GPR55: variants seen among roughly 807,000 people sequenced by gnomAD.
GPR55 encodes the protein G-protein coupled receptor 55.
GPR55 carries 6 observed loss-of-function variants against 7.9 expected under a neutral mutation model. The observed-to-expected ratio is 0.76, with a 90% CI of 0.41 to 1.49. GPR55 has a LOEUF of 1.49. Ranked by LOEUF, GPR55 falls within the 40% of genes most tolerant of loss-of-function variation. The pLI, the probability that GPR55 is intolerant of heterozygous loss-of-function variation, is 0.01. For synonymous variants in GPR55, 183 were observed against 166.8 expected, an observed-to-expected ratio of 1.10 and a Z score of -0.75; for missense variants, 376 against 406.0, an observed-to-expected ratio of 0.93 and a Z score of 0.63.
intron 1 of GPR55, among the ~76,000 whole-genome samples, chr2:230,943,444 G>A (rs906014604): frequency 3.9e-4 from 59 of 152,184 alleles, no homozygotes; most frequent in African/African-American, 1.4e-3. Flanking sequence ...CTGGGCTCAG[G>A]AATTTCCTGG....
At chr2:230,926,899 G>A (rs1266221931), upstream of GPR55, among the ~76,000 whole-genome samples, 5 of 151,834 alleles carry the variant, frequency 3.3e-5, no homozygotes, top group African/African-American at 1.2e-4. Flanking sequence ...CACCATGTTG[G>A]TCAGGCTGGT....
At chr2:230,915,929 G>A (rs1446025783) in intron 1 of GPR55, among the ~76,000 whole-genome samples, 2 of 152,092 alleles carry the variant, frequency 1.3e-5, no homozygotes, top group Non-Finnish European at 2.9e-5. Flanking sequence ...AGACCTCCAA[G>A]AGATCATCAC....
At chr2:230,932,284 TA>T (rs1691061365) in intron 1 of GPR55, among the ~76,000 whole-genome samples, 1 of 152,204 alleles carries the variant, frequency 6.6e-6, no homozygotes, top group African/African-American at 2.4e-5. Flanking sequence ...TTCACAAGAT[TA>T]AAAACTCATT....
chr2:230,951,756 G>GTTTT (rs869195749), intron 1 of GPR55, among the ~76,000 whole-genome samples: 5 of 47,544 alleles, frequency 1.1e-4, no homozygotes, highest in African/African-American at 1.2e-4. Flanking sequence ...TGTTATTGGG[G>GTTTT]TTTTTTTTTT....
Position 230,925,159 on chromosome 2 carries a change from G to A in GPR55, c.-135+9C>T, listed in dbSNP as rs1162546576. The A allele has an allele frequency of 2.0e-5, 3 of 152,674 alleles. No individual in the cohort carries two copies. The highest frequency in any genetic ancestry group is 4.4e-5 in the Non-Finnish European group (3 of 68,114). The allele number at this position is 152,674 out of a possible 1,614,324, so 9.5% of individuals were successfully genotyped here. ...CCTTAGTTTCTCTAAATGGCCCAGA[G>A]GCTGTTACCTGTTGGTGGTCCGGTG... On this transcript the variant is annotated intron_variant, in intron 1 of 1. Transcript: ENST00000650999.
At chr2:230,922,689 C>T (rs1247024703) in intron 1 of GPR55, among the ~76,000 whole-genome samples, 1 of 152,090 alleles carries the variant, frequency 6.6e-6, no homozygotes, top group African/African-American at 2.4e-5. Context: ...AATTCTCCTG[C>T]CTCAGGCTCC....
chr2:230,921,073 T>A (rs1268940878), intron 1 of GPR55, among the ~76,000 whole-genome samples: 2 of 151,930 alleles, frequency 1.3e-5, no homozygotes, highest in Non-Finnish European at 2.9e-5. Flanking sequence ...TAAAAAGAAT[T>A]GAGAAAGTAA....
chr2:230,908,596 A>C lies in GPR55; in HGVS notation c.*1407T>G, dbSNP rs1690510471. The C allele has an allele frequency of 6.5e-6, 1 of 152,818 alleles. No individual in the cohort carries two copies. Among genetic ancestry groups the C allele is most frequent in the Non-Finnish European group, 1.5e-5 (1 of 68,426 alleles). 9.5% of individuals were successfully genotyped at this position (152,818 alleles called of 1,614,324 possible). A position where few individuals can be genotyped will look rare whatever the true frequency, so the allele number is the denominator to read the frequency against. On this transcript the variant is annotated 3_prime_UTR_variant, in exon 2 of 2. Transcript: ENST00000650999. ...TTCCCCTCAGGTCACCACCCCTCCC[A>C]AGCCCTTCAGCCCCCACTGAGCCCA...
chr2:230,917,671 G>A (rs547627523), intron 1 of GPR55, among the ~76,000 whole-genome samples: 1 of 152,066 alleles, frequency 6.6e-6, no homozygotes, highest in South Asian at 2.1e-4. Context: ...TTAGCTGGAT[G>A]TGGTGGCTTG....
At chr2:230,938,503 G>A (rs1165225982) in intron 1 of GPR55, among the ~76,000 whole-genome samples, 1 of 151,800 alleles carries the variant, frequency 6.6e-6, no homozygotes, top group African/African-American at 2.4e-5. Context: ...ATTTTATATT[G>A]CTTAGAAAAA....
chr2:230,932,266 T>C (rs1691061215), intron 1 of GPR55, among the ~76,000 whole-genome samples: 1 of 152,196 alleles, frequency 6.6e-6, no homozygotes, highest in Non-Finnish European at 1.5e-5. Flanking sequence ...GGAAACATGT[T>C]AGAGGAATTC....
intron 1 of GPR55, among the ~76,000 whole-genome samples, chr2:230,917,137 T>C (rs1026643345): frequency 6.6e-6 from 1 of 152,192 alleles, no homozygotes; most frequent in Admixed American, 6.5e-5. Context: ...AAAACTCAAT[T>C]GCGAGGGCAA....
chr2:230,933,160 C>CT (rs1346929865), intron 1 of GPR55, among the ~76,000 whole-genome samples: 19 of 152,104 alleles, frequency 1.2e-4, no homozygotes, highest in Admixed American at 2.6e-4. Context: ...CCTAGCCAAG[C>CT]CCCTGAAGTC....
At chr2:230,941,580 C>T (rs1277131848) in intron 1 of GPR55, among the ~76,000 whole-genome samples, 3 of 152,148 alleles carry the variant, frequency 2.0e-5, no homozygotes, top group Non-Finnish European at 1.5e-5. Flanking sequence ...TTCCTATTTG[C>T]GATGCCGTCA....
chr2:230,914,815 C>T (rs1474003211), intron 1 of GPR55, among the ~76,000 whole-genome samples: 2 of 152,216 alleles, frequency 1.3e-5, no homozygotes, highest in African/African-American at 4.8e-5. Flanking sequence ...CTCAGGTCCC[C>T]TGAGAAGCAG....
chr2:230,937,772 T>C (rs930582951), intron 1 of GPR55, among the ~76,000 whole-genome samples: 1 of 152,088 alleles, frequency 6.6e-6, no homozygotes, highest in Non-Finnish European at 1.5e-5. Flanking sequence ...TAGAAGAATG[T>C]TTATGCTAAT....
In GPR55 at chr2:230,924,319, C is replaced by A. The variant is rs769096119; in HGVS notation, c.-135+849G>T. ...ACCTTGCCTTCCACAGAGCTGTGGG[C>A]GGCACTTTGCCCTGCCCTGTCCTCT... On this transcript the variant is annotated intron_variant, in intron 1 of 1. Transcript: ENST00000650999. This position sits in a 1 kb window ranked among gnomAD's most constrained non-coding sequence, Gnocchi z 4.5. Among the ~76,000 whole-genome samples, 2 of 152,148 alleles carry A rather than the reference C, an allele frequency of 1.3e-5. No individual in the cohort carries two copies. The highest frequency in any genetic ancestry group is 4.8e-5 in the African/African-American group (2 of 41,422).
At chr2:230,939,914 T>C (rs79966936) in intron 1 of GPR55, among the ~76,000 whole-genome samples, 3,694 of 151,984 alleles carry the variant, frequency 0.024, 139 homozygotes, top group African/African-American at 0.085. Flanking sequence ...AGAGACATCA[T>C]ACCCCTGGGA....
In GPR55 at chr2:230,923,516, C is replaced by T. The variant is rs371997272; in HGVS notation, c.-135+1652G>A. On this transcript the variant is annotated intron_variant, in intron 1 of 1. Coordinates refer to ENST00000650999, the MANE Select transcript of GPR55 (RefSeq NM_005683.4). This position sits in a 1 kb window ranked among gnomAD's most constrained non-coding sequence, Gnocchi z 4.1. ...GCCTGAGCTGGGCTTCTGGGGGCCACGATAGAAGAAGGAACAGGACACAGA... is the reference window on the plus strand; with the variant it reads ...GCCTGAGCTGGGCTTCTGGGGGCCATGATAGAAGAAGGAACAGGACACAGA... 2.0e-5 allele frequency among the ~76,000 whole-genome samples: 3 copies of T among 151,856 alleles called. No homozygotes were observed. Among genetic ancestry groups the T allele is most frequent in the East Asian group, 1.9e-4 (1 of 5,186 alleles).
Sources: gnomAD v4.1 joint callset for allele counts (sites outside exome capture counted in the v4.1 genomes callset) on GRCh38, gnomAD v4.1.1 for gene constraint, Gnocchi (gnomAD v3.1) non-coding constraint, MANE v1.5 for transcripts, NCBI Gene and HGNC (gene_info 2026-07-23, HGNC 2026-07-21) for gene names.